Variants in WWC2 observed in about 807,000 individuals in gnomAD.
The protein encoded by WWC2 is WW and C2 domain containing 2.
A neutral mutation model predicts 138.5 loss-of-function variants in WWC2; 101 were observed. The observed-to-expected ratio is 0.73, with a 90% CI of 0.62 to 0.86. The LOEUF (loss-of-function observed/expected upper bound fraction) is 0.86, where lower values mean the gene tolerates loss of function less well. WWC2 is among the 40% of genes least tolerant of loss of function. WWC2 has a pLI of 0.00. For synonymous variants in WWC2, 558 were observed against 538.4 expected, an observed-to-expected ratio of 1.04 and a Z score of -0.50; for missense variants, 1,420 against 1,419.4, an observed-to-expected ratio of 1.00 and a Z score of -0.01.
At chr4:183,254,775 T>C (rs1308750034) in intron 9 of WWC2, among the ~76,000 whole-genome samples, 1 of 152,110 alleles carries the variant, frequency 6.6e-6, no homozygotes, top group Non-Finnish European at 1.5e-5. Flanking sequence ...TAAACAGCAG[T>C]GCCTGTTTCA....
chr4:183,247,797 GTA>G (rs1240906769), intron 6 of WWC2, among the ~76,000 whole-genome samples: 1 of 130,846 alleles, frequency 7.6e-6, no homozygotes, highest in Non-Finnish European at 1.6e-5. Context: ...TATATATATA[GTA>G]TATAGTATAT....
At chr4:183,224,088 A>ACAAAT in intron 4 of WWC2, among the ~76,000 whole-genome samples, 1 of 152,244 alleles carries the variant, frequency 6.6e-6, no homozygotes, top group African/African-American at 2.4e-5. Flanking sequence ...ACAAAACAAA[A>ACAAAT]CTAGGTCATT....
rs377752612 is a variant in WWC2 at position 183,207,926 on chromosome 4, A to G, written c.242-27A>G. 2.7e-5 allele frequency: 43 copies of G among 1,568,622 alleles called. No individual in the cohort carries two copies. In the African/African-American group the frequency reaches 5.6e-4, roughly 20 times the overall value. ...GCCGGAAAACAAAGTTAAATTCTAA[A>G]AAGTACCCTCCACCTAATGTTTTCA... is the stretch of plus-strand genomic sequence containing the variant. On this transcript the variant is annotated intron_variant, in intron 2 of 22. Coordinates refer to ENST00000403733, the MANE Select transcript of WWC2 (RefSeq NM_024949.6).
At chr4:183,309,146 A>G (rs1049449600) in intron 21 of WWC2, among the ~76,000 whole-genome samples, 9 of 152,232 alleles carry the variant, frequency 5.9e-5, no homozygotes, top group African/African-American at 2.2e-4. Flanking sequence ...AAGTTACCCT[A>G]GGAGAAAATC....
At chr4:183,190,136 A>G (rs1734950028) in intron 1 of WWC2, among the ~76,000 whole-genome samples, 2 of 151,962 alleles carry the variant, frequency 1.3e-5, no homozygotes, top group Admixed American at 6.6e-5. Context: ...CAGCATTAAG[A>G]CTCTAGTTAA....
At chr4:183,120,739 A>C (rs1473751923) in intron 1 of WWC2, among the ~76,000 whole-genome samples, 1 of 152,092 alleles carries the variant, frequency 6.6e-6, no homozygotes, top group African/African-American at 2.4e-5. Flanking sequence ...TTTTGGTATA[A>C]GTTGGATGTG....
chr4:183,166,446 T>C (rs1330025963), intron 1 of WWC2, among the ~76,000 whole-genome samples: 2 of 152,240 alleles, frequency 1.3e-5, no homozygotes, highest in East Asian at 1.9e-4. Context: ...CTCTTCACTT[T>C]TGTGAGCCAT....
At chr4:183,294,760 GT>G (rs5864825) in intron 21 of WWC2, among the ~76,000 whole-genome samples, 97,220 of 150,976 alleles carry the variant, frequency 0.64, 32,748 homozygotes, top group Non-Finnish European at 0.75. Flanking sequence ...TTTCCTGAGT[GT>G]TTTTTTTTTA....
chr4:183,103,757 C>T (rs963018497), intron 1 of WWC2, among the ~76,000 whole-genome samples: 9 of 151,208 alleles, frequency 6.0e-5, no homozygotes, highest in Non-Finnish European at 1.0e-4. Flanking sequence ...CATGCCTCAG[C>T]CTCATGAGTA....
intron 1 of WWC2, among the ~76,000 whole-genome samples, chr4:183,170,592 T>C (rs1734248897): frequency 6.6e-6 from 1 of 152,190 alleles, no homozygotes; most frequent in African/African-American, 2.4e-5. Flanking sequence ...TGAGATGCAC[T>C]TTTGTGACAT....
At chr4:183,205,640 G>A (rs1270353512) in intron 2 of WWC2, among the ~76,000 whole-genome samples, 1 of 152,136 alleles carries the variant, frequency 6.6e-6, no homozygotes, top group Non-Finnish European at 1.5e-5. Context: ...CGGCAGTTAA[G>A]TTACTTGCTG....
chr4:183,162,930 C>T (rs1298236064), intron 1 of WWC2, among the ~76,000 whole-genome samples: 1 of 152,100 alleles, frequency 6.6e-6, no homozygotes, highest in Non-Finnish European at 1.5e-5. Flanking sequence ...CCTTTATTTC[C>T]TGGTGTTCCA....
chr4:183,220,633 G>C (rs1012166394), intron 4 of WWC2, among the ~76,000 whole-genome samples: 11 of 151,818 alleles, frequency 7.2e-5, no homozygotes, highest in Admixed American at 2.0e-4. Context: ...AGGAGATTGA[G>C]ACCATCCTGG....
At chr4:183,242,775 G>A (rs1189529731) in intron 5 of WWC2, among the ~76,000 whole-genome samples, 3 of 151,960 alleles carry the variant, frequency 2.0e-5, no homozygotes, top group Admixed American at 1.3e-4. Flanking sequence ...ACTTCCAAAA[G>A]AAATTTTAAG....
intron 4 of WWC2, among the ~76,000 whole-genome samples, chr4:183,226,799 C>T (rs1219115631): frequency 6.6e-6 from 1 of 151,952 alleles, no homozygotes; most frequent in Non-Finnish European, 1.5e-5. Context: ...CTGTATGTCT[C>T]CTTCTAGTGA....
At chr4:183,153,391 G>C (rs1032748583) in intron 1 of WWC2, among the ~76,000 whole-genome samples, 17 of 152,182 alleles carry the variant, frequency 1.1e-4, no homozygotes, top group African/African-American at 4.1e-4. Flanking sequence ...AAAGGAATGT[G>C]AAGACTGTGT....
At chr4:183,141,061 A>G (rs554443357) in intron 1 of WWC2, among the ~76,000 whole-genome samples, 1 of 152,360 alleles carries the variant, frequency 6.6e-6, no homozygotes, top group Admixed American at 6.5e-5. Context: ...AACAGCCAGA[A>G]GAATGAGCTG....
chr4:183,155,189 G>GGAGAGAGAGAGAGAGAGAGAGA (rs770609371), intron 1 of WWC2, among the ~76,000 whole-genome samples: 1 of 103,660 alleles, frequency 9.6e-6, no homozygotes, highest in African/African-American at 3.4e-5. Flanking sequence ...CATCTTCTGA[G>GGAGAGAGAGAGAGAGAGAGAGA]GAGAGAGAGA....
At chr4:183,178,378 A>AAATT (rs1417280572) in intron 1 of WWC2, among the ~76,000 whole-genome samples, 1 of 50,858 alleles carries the variant, frequency 2.0e-5, no homozygotes, top group Non-Finnish European at 3.8e-5. Flanking sequence ...CTGTTTCTAC[A>AAATT]AATAAATAAA....
Sources: gnomAD v4.1 joint callset for allele counts (sites outside exome capture counted in the v4.1 genomes callset) on GRCh38, gnomAD v4.1.1 for gene constraint, MANE v1.5 for transcripts, NCBI Gene and HGNC (gene_info 2026-07-23, HGNC 2026-07-21) for gene names.